NRXN1: variants seen among roughly 807,000 people sequenced by gnomAD.
The protein encoded by NRXN1 is neurexin-1.
A neutral mutation model predicts 150.9 loss-of-function variants in NRXN1; 39 were observed. That is an observed-to-expected ratio of 0.26 (90% CI 0.20 to 0.34). NRXN1 has a LOEUF of 0.34. Ranked by LOEUF, NRXN1 falls within the 10% of genes least tolerant of loss-of-function variation. The pLI is 1.00. For missense variants in NRXN1, 1,815 were observed against 1,949.9 expected, an observed-to-expected ratio of 0.93 and a Z score of 1.30; for synonymous variants, 924 against 757.0, an observed-to-expected ratio of 1.22 and a Z score of -3.62.
chr2:49,948,301 TTC>T (rs1383840527), intron 21 of NRXN1, among the ~76,000 whole-genome samples: 1 of 152,104 alleles, frequency 6.6e-6, no homozygotes, highest in East Asian at 1.9e-4. Context: ...TGTGAGAATG[TTC>T]TCAGTGTTAC....
At chr2:50,144,489 A>T (rs1376630491) in intron 18 of NRXN1, among the ~76,000 whole-genome samples, 1 of 151,820 alleles carries the variant, frequency 6.6e-6, no homozygotes, top group African/African-American at 2.4e-5. Flanking sequence ...ACCTACAGGG[A>T]TTATAAGGTC....
intron 17 of NRXN1, among the ~76,000 whole-genome samples, chr2:50,390,776 T>C (rs2081634783): frequency 1.3e-5 from 2 of 152,048 alleles, no homozygotes. Context: ...CATTTTACCA[T>C]GGGATGATGC....
At chr2:50,520,139 A>G (rs2092745614) in intron 12 of NRXN1, among the ~76,000 whole-genome samples, 1 of 151,874 alleles carries the variant, frequency 6.6e-6, no homozygotes, top group South Asian at 2.1e-4. Context: ...CATTAATAAA[A>G]CTTTTCTGTG....
chr2:50,032,837 C>T (rs1320514697), intron 21 of NRXN1, among the ~76,000 whole-genome samples: 1 of 151,808 alleles, frequency 6.6e-6, no homozygotes, highest in African/African-American at 2.4e-5. Flanking sequence ...AATGGATGGA[C>T]ACTTTAATAT....
At chr2:50,747,619 T>C (rs773903234) in intron 5 of NRXN1, among the ~76,000 whole-genome samples, 6 of 152,140 alleles carry the variant, frequency 3.9e-5, no homozygotes, top group Non-Finnish European at 8.8e-5. Flanking sequence ...TCTCATCTTC[T>C]TTAATAGACT....
chr2:50,844,583 A>G (rs1281304327), intron 5 of NRXN1, among the ~76,000 whole-genome samples: 1 of 152,210 alleles, frequency 6.6e-6, no homozygotes, highest in Non-Finnish European at 1.5e-5. Context: ...TTCTTACAAA[A>G]AGAGAAGTGT....
At chr2:50,690,984 A>C (rs1321389469) in intron 5 of NRXN1, among the ~76,000 whole-genome samples, 1 of 152,146 alleles carries the variant, frequency 6.6e-6, no homozygotes, top group African/African-American at 2.4e-5. Flanking sequence ...TAAATTTAGG[A>C]TGTTGTTTCA....
chr2:50,021,820 A>C (rs1687612723), intron 21 of NRXN1, among the ~76,000 whole-genome samples: 1 of 152,164 alleles, frequency 6.6e-6, no homozygotes, highest in Non-Finnish European at 1.5e-5. Flanking sequence ...ATAATTCAAA[A>C]CCATGGCTAC....
chr2:50,458,044 G>T (rs974443395), intron 17 of NRXN1, among the ~76,000 whole-genome samples: 1 of 152,112 alleles, frequency 6.6e-6, no homozygotes, highest in Non-Finnish European at 1.5e-5. Flanking sequence ...CATGTTTACT[G>T]CAGCACTATT....
intron 10 of NRXN1, among the ~76,000 whole-genome samples, chr2:50,537,034 TA>T (rs1368282434): frequency 6.6e-6 from 1 of 152,182 alleles, no homozygotes; most frequent in Non-Finnish European, 1.5e-5. Flanking sequence ...ATGTTACTAT[TA>T]AATATTTATA....
chr2:50,386,247 G>C (rs1355179397), intron 17 of NRXN1, among the ~76,000 whole-genome samples: 2 of 152,016 alleles, frequency 1.3e-5, no homozygotes, highest in East Asian at 1.9e-4. Flanking sequence ...ATTTGACAGA[G>C]ATAAAGTTAA....
chr2:50,641,907 C>T (rs1482167270), intron 5 of NRXN1, among the ~76,000 whole-genome samples: 6 of 152,090 alleles, frequency 3.9e-5, no homozygotes, highest in Admixed American at 2.6e-4. Flanking sequence ...CTTTACCCTT[C>T]TTGATGCTGT....
At chr2:50,961,582 T>C (rs554126552) in intron 2 of NRXN1, among the ~76,000 whole-genome samples, 14 of 151,766 alleles carry the variant, frequency 9.2e-5, no homozygotes, top group Non-Finnish European at 1.9e-4. Context: ...TACTTAAATC[T>C]AGGAAGTTAA....
chr2:50,297,516 T>C (rs999681115), intron 17 of NRXN1, among the ~76,000 whole-genome samples: 11 of 152,178 alleles, frequency 7.2e-5, no homozygotes, highest in African/African-American at 2.7e-4. Flanking sequence ...AAAAAAGCTT[T>C]ACTACTTTGT....
Position 50,447,257 on chromosome 2 carries a change from G to A in NRXN1, c.3364+18185C>T, listed in dbSNP as rs148036595. Among the ~76,000 whole-genome samples the A allele has an allele frequency of 3.6e-3, 544 of 151,900 alleles. 3 individuals carry two copies. The highest frequency in any genetic ancestry group is 0.012 in the African/African-American group (493 of 41,426). On this transcript the variant is annotated intron_variant, in intron 17 of 22. Transcript: ENST00000401669. ...GGGAGGCCAAGGTGGGCAGATCACT[G>A]GAGGTCAGAATTTCGAGATCAGCCT...
intron 15 of NRXN1, among the ~76,000 whole-genome samples, chr2:50,480,895 G>T (rs548883408): frequency 1.7e-4 from 26 of 151,838 alleles, no homozygotes; most frequent in Admixed American, 3.3e-4. Context: ...TCAGTGTCAG[G>T]CATTACTATG....
At chr2:50,947,858 A>G (rs1690651455) in intron 2 of NRXN1, among the ~76,000 whole-genome samples, 1 of 152,086 alleles carries the variant, frequency 6.6e-6, no homozygotes, top group Non-Finnish European at 1.5e-5. Flanking sequence ...GAAAAGGGAA[A>G]AACTTGTTTT....
chr2:50,244,180 C>T (rs1009518244), intron 17 of NRXN1, among the ~76,000 whole-genome samples: 4 of 151,732 alleles, frequency 2.6e-5, no homozygotes, highest in Admixed American at 6.6e-5. Context: ...GAGTATGGTA[C>T]ATGAAAATAA....
At chr2:50,437,708 TTGTG>T (rs10531409) in intron 17 of NRXN1, among the ~76,000 whole-genome samples, 27,926 of 149,754 alleles carry the variant, frequency 0.19, 3,445 homozygotes, top group East Asian at 0.4. Context: ...CTGGATGCAT[TTGTG>T]TGTGTGTGTG....
Sources: gnomAD v4.1 joint callset for allele counts (sites outside exome capture counted in the v4.1 genomes callset) on GRCh38, gnomAD v4.1.1 for gene constraint, MANE v1.5 for transcripts, NCBI Gene and HGNC (gene_info 2026-07-23, HGNC 2026-07-21) for gene names.